Variants in NAV3 observed in about 807,000 individuals in gnomAD.
The protein encoded by NAV3 is pore membrane and/or filament interacting like protein 1.
NAV3 carries 87 observed loss-of-function variants against 244.7 expected under a neutral mutation model. That is an observed-to-expected ratio of 0.36 (90% CI 0.30 to 0.42). The LOEUF (loss-of-function observed/expected upper bound fraction) is 0.42, where lower values mean the gene tolerates loss of function less well. NAV3 is among the 20% of genes least tolerant of loss of function. NAV3 has a pLI of 1.00. For missense variants in NAV3, 2,663 were observed against 2,893.3 expected (o/e 0.92, Z 1.83); for synonymous variants, 1,126 against 1,042.2 (o/e 1.08, Z -1.55).
intron 1 of NAV3, among the ~76,000 whole-genome samples, chr12:77,842,684 G>C (rs912524288): frequency 1.3e-5 from 2 of 151,778 alleles, no homozygotes; most frequent in African/African-American, 4.8e-5. Context: ...TCACCGAGTG[G>C]GAATGTGTGA....
At chr12:77,893,508 T>C (rs1884200684) in intron 1 of NAV3, among the ~76,000 whole-genome samples, 1 of 152,114 alleles carries the variant, frequency 6.6e-6, no homozygotes, top group Non-Finnish European at 1.5e-5. Context: ...GTCATGTCTG[T>C]ATATTGATAC....
At chr12:77,983,840 C>G (rs1026829465) in intron 5 of NAV3, among the ~76,000 whole-genome samples, 1 of 152,130 alleles carries the variant, frequency 6.6e-6, no homozygotes, top group Non-Finnish European at 1.5e-5. Context: ...AGAAGTACTT[C>G]GTCTTCTGAG....
intron 5 of NAV3, among the ~76,000 whole-genome samples, chr12:77,976,674 C>CTTTTTTTTTTTT (rs869041498): frequency 4.6e-4 from 38 of 83,430 alleles, no homozygotes; most frequent in South Asian, 4.8e-4. Context: ...TTCTTTTTTT[C>CTTTTTTTTTTTT]TTTTTTTTTT....
chr12:78,041,440 C>A (rs977250866), intron 9 of NAV3, among the ~76,000 whole-genome samples: 6 of 152,074 alleles, frequency 3.9e-5, no homozygotes, highest in Non-Finnish European at 8.8e-5. Flanking sequence ...AGGAATTAGC[C>A]GTTGTGTTGC....
chr12:77,753,256 C>G (rs1200001781), intron 2 of NAV3, among the ~76,000 whole-genome samples: 1 of 152,208 alleles, frequency 6.6e-6, no homozygotes, highest in Non-Finnish European at 1.5e-5. Flanking sequence ...GTGAAGAAAA[C>G]TACTTACCAT....
intron 12 of NAV3, among the ~76,000 whole-genome samples, chr12:78,102,430 C>G (rs1039509965): frequency 3.3e-5 from 5 of 152,222 alleles, no homozygotes; most frequent in African/African-American, 1.2e-4. Flanking sequence ...GTATAGCACC[C>G]CTCCCAGCTG....
intron 1 of NAV3, among the ~76,000 whole-genome samples, chr12:77,939,397 C>A (rs1015086697): frequency 2.6e-5 from 4 of 152,048 alleles, no homozygotes; most frequent in Non-Finnish European, 5.9e-5. Flanking sequence ...TTTTAACAAG[C>A]GTATTTCTTA....
At chr12:77,794,071 C>A (rs964500790) in intron 2 of NAV3, among the ~76,000 whole-genome samples, 1 of 152,116 alleles carries the variant, frequency 6.6e-6, no homozygotes, top group African/African-American at 2.4e-5. Flanking sequence ...CTCCAATGAC[C>A]AGTGATGATG....
rs78836589 is a variant in NAV3, at chr12:77,684,081, T to A, written c.72+111815T>A. Among the ~76,000 whole-genome samples the A allele has an allele frequency of 6.1e-3, 933 of 152,320 alleles. 7 individuals carry two copies. Among genetic ancestry groups the A allele is most frequent in the African/African-American group, 0.021 (887 of 41,590 alleles). The stretch of plus-strand genomic sequence containing the variant: ...CAATATCTGAGTGATCCCAGTGATC[T>A]GCATTCAGACCTGCATTAGGCATTA... On this transcript the variant is annotated intron_variant, in intron 2 of 8. Transcript: ENST00000550042.
At position 77,874,610 on chromosome 12, in the gene NAV3, G is replaced by GT. The variant is rs1179981198; in HGVS notation, c.243+42907dup. Among the ~76,000 whole-genome samples the GT allele has an allele frequency of 4.6e-5, 7 of 150,684 alleles. No homozygotes were observed. The South Asian group carries it at 1.3e-3, about 27-fold the overall frequency. Reference sequence around the variant, plus strand: ...ACTAGTAAACAATTTCTTGTGGTTAGTAAAAAAAAAAATCTAATTTCACTC... The same window carrying GT: ...ACTAGTAAACAATTTCTTGTGGTTAGTTAAAAAAAAAAATCTAATTTCACTC... On this transcript the variant is annotated intron_variant, in intron 1 of 39. Transcript: ENST00000397909.
rs756805711 is a variant in NAV3 at position 77,645,536 on chromosome 12, T to TAAAAAAAAAAAAAAAAA, written c.72+73278_72+73294dup. Among the ~76,000 whole-genome samples, 28 of 63,004 alleles carry TAAAAAAAAAAAAAAAAA rather than the reference T, an allele frequency of 4.4e-4. 2 individuals are homozygous for TAAAAAAAAAAAAAAAAA. Among genetic ancestry groups the TAAAAAAAAAAAAAAAAA allele is most frequent in the African/African-American group, 2.0e-3 (28 of 13,762 alleles). 41.3% of individuals were successfully genotyped at this position (63,004 alleles called of 152,430 possible). ...GAATTCATGGAGAGCTCTCTCTCTC[T>TAAAAAAAAAAAAAAAAA]AAAAAAAAAAAAAAAAAAAAAAAAC... On this transcript the variant is annotated intron_variant, in intron 2 of 8. Coordinates refer to the NAV3 transcript ENST00000550042.
intron 1 of NAV3, among the ~76,000 whole-genome samples, chr12:77,866,201 AAATAT>A (rs1879994595): frequency 6.6e-6 from 1 of 152,236 alleles, no homozygotes; most frequent in Admixed American, 6.5e-5. Context: ...AAAATTGATA[AAATAT>A]AAATAGTGGT....
At chr12:77,805,703 C>G (rs1237049572) in intron 2 of NAV3, among the ~76,000 whole-genome samples, 1 of 152,168 alleles carries the variant, frequency 6.6e-6, no homozygotes. Context: ...GGAGGAGTCC[C>G]TCTTTTTCTA....
At chr12:77,884,356 C>T (rs1250912784) in intron 1 of NAV3, among the ~76,000 whole-genome samples, 1 of 152,038 alleles carries the variant, frequency 6.6e-6, no homozygotes, top group East Asian at 1.9e-4. Flanking sequence ...GAGTCTAAAT[C>T]CCACAGTAGG....
intron 3 of NAV3, among the ~76,000 whole-genome samples, chr12:77,958,855 A>C (rs1891609584): frequency 6.6e-6 from 1 of 152,130 alleles, no homozygotes; most frequent in Non-Finnish European, 1.5e-5. Context: ...TGCCTGACAT[A>C]ATAATAGCAA....
At chr12:78,170,798 C>T (rs1355285667) in intron 24 of NAV3, among the ~76,000 whole-genome samples, 3 of 151,708 alleles carry the variant, frequency 2.0e-5, no homozygotes, top group East Asian at 1.9e-4. Flanking sequence ...AAAGACTTTT[C>T]GAGACACTGC....
chr12:78,109,725 A>C (rs1226274581), intron 12 of NAV3, among the ~76,000 whole-genome samples: 1 of 152,024 alleles, frequency 6.6e-6, no homozygotes, highest in Non-Finnish European at 1.5e-5. Context: ...ATGCAGAAAA[A>C]AATTTTTGAT....
At chr12:77,599,572 T>C (rs1168041345) in intron 2 of NAV3, among the ~76,000 whole-genome samples, 5 of 151,800 alleles carry the variant, frequency 3.3e-5, no homozygotes, top group Non-Finnish European at 5.9e-5. Context: ...TTTTGTAGGC[T>C]GAAAACCATT....
chr12:77,941,864 G>A (rs530844703), intron 3 of NAV3, among the ~76,000 whole-genome samples: 26 of 152,208 alleles, frequency 1.7e-4, no homozygotes, highest in Non-Finnish European at 2.4e-4. Context: ...AATGACAGCC[G>A]AAATCCACAA....
Sources: gnomAD v4.1 joint callset for allele counts (sites outside exome capture counted in the v4.1 genomes callset) on GRCh38, gnomAD v4.1.1 for gene constraint, MANE v1.5 for transcripts, NCBI Gene and HGNC (gene_info 2026-07-23, HGNC 2026-07-21) for gene names.